The following RPRD1B variants were observed in gnomAD, a reference collection of about 807,000 sequenced individuals.
RPRD1B encodes regulation of nuclear pre-mRNA domain-containing protein 1B.
Under a neutral mutation model 41.5 loss-of-function variants are expected in RPRD1B, and 11 were observed. That is an observed-to-expected ratio of 0.27 (90% CI 0.17 to 0.44). The LOEUF is 0.44. Among genes scored for constraint, RPRD1B ranks in the 20% least tolerant of loss-of-function variants. The pLI is 1.00. For missense variants in RPRD1B, 248 were observed against 389.9 expected, an observed-to-expected ratio of 0.64 and a Z score of 3.06; for synonymous variants, 158 against 155.6, an observed-to-expected ratio of 1.02 and a Z score of -0.12.
chr20:38,078,888 G>A (rs2074488854), intron 6 of RPRD1B, among the ~76,000 whole-genome samples: 1 of 152,128 alleles, frequency 6.6e-6, no homozygotes, highest in Non-Finnish European at 1.5e-5. Context: ...TTTTCTCAAG[G>A]CAGCTTCTAG....
chr20:38,074,739 A>G (rs1014813650), intron 6 of RPRD1B, among the ~76,000 whole-genome samples: 1 of 152,190 alleles, frequency 6.6e-6, no homozygotes. Flanking sequence ...ACTAGTACTC[A>G]GGGTTTTTGT....
chr20:38,071,226 G>A (rs528843782), intron 6 of RPRD1B, among the ~76,000 whole-genome samples: 3 of 152,358 alleles, frequency 2.0e-5, no homozygotes, highest in East Asian at 3.9e-4. Flanking sequence ...TTCATATAAC[G>A]TAAATTAACC....
Position 38,090,661 on chromosome 20 carries a change from C to G in RPRD1B, c.*786C>G. 2 of 985,502 alleles carry G rather than the reference C, an allele frequency of 2.0e-6. No individual in the cohort carries two copies. The highest frequency in any genetic ancestry group is 2.4e-6 in the Non-Finnish European group (2 of 829,952). The allele number at this position is 985,502 out of a possible 1,614,324, so 61.0% of individuals were successfully genotyped here. ...GTTCCGAAAAACAGAATGCCTTGAT[C>G]CCTGGTGGGTGCGAAGGCAGTTGTT... On this transcript the variant is annotated 3_prime_UTR_variant, in exon 7 of 7. Coordinates refer to ENST00000373433, the MANE Select transcript of RPRD1B (RefSeq NM_021215.4).
intron 2 of RPRD1B, among the ~76,000 whole-genome samples, chr20:38,044,319 A>T (rs1260206521): frequency 6.6e-6 from 1 of 151,684 alleles, no homozygotes; most frequent in Admixed American, 6.6e-5. Flanking sequence ...TGGATTGGTC[A>T]TGTAGACACC....
At chr20:38,072,139 T>C (rs1165612940) in intron 6 of RPRD1B, among the ~76,000 whole-genome samples, 1 of 152,248 alleles carries the variant, frequency 6.6e-6, no homozygotes, top group Non-Finnish European at 1.5e-5. Context: ...AGAAGTTTTA[T>C]AATTTTATGT....
intron 6 of RPRD1B, among the ~76,000 whole-genome samples, chr20:38,066,542 A>T (rs998846698): frequency 1.3e-5 from 2 of 150,548 alleles, no homozygotes; most frequent in Admixed American, 6.6e-5. Context: ...TCATGTTTTT[A>T]AAAAAATTAC....
At chr20:38,072,914 G>A (rs2074425775) in intron 6 of RPRD1B, among the ~76,000 whole-genome samples, 1 of 152,164 alleles carries the variant, frequency 6.6e-6, no homozygotes, top group South Asian at 2.1e-4. Context: ...ATAGAGGCCT[G>A]GATATCTAAG....
intron 3 of RPRD1B, chr20:38,049,772 C>G (rs997994362): frequency 4.2e-6 from 2 of 471,166 alleles, no homozygotes; most frequent in Non-Finnish European, 8.8e-6. Context: ...AGCTACAGAT[C>G]TGATCTGCCT....
intron 2 of RPRD1B, among the ~76,000 whole-genome samples, chr20:38,042,817 G>A (rs1488463239): frequency 6.6e-6 from 1 of 151,790 alleles, no homozygotes; most frequent in Non-Finnish European, 1.5e-5. Context: ...AATTGATGAG[G>A]GATATTTTTA....
chr20:38,044,864 A>G (rs947180833), intron 2 of RPRD1B, among the ~76,000 whole-genome samples: 3 of 152,174 alleles, frequency 2.0e-5, no homozygotes, highest in Non-Finnish European at 2.9e-5. Flanking sequence ...TTGGAAGTGT[A>G]GGGAATACTT....
At chr20:38,076,416 C>T (rs2074459888) in intron 6 of RPRD1B, among the ~76,000 whole-genome samples, 1 of 152,230 alleles carries the variant, frequency 6.6e-6, no homozygotes, top group Non-Finnish European at 1.5e-5. Flanking sequence ...AATTTATTTT[C>T]CTGCCCACAT....
chr20:38,063,207 G>T (rs2074318147), intron 5 of RPRD1B, among the ~76,000 whole-genome samples: 1 of 152,034 alleles, frequency 6.6e-6, no homozygotes, highest in African/African-American at 2.4e-5. Flanking sequence ...TATCACCTTA[G>T]CGAAGCTCAC....
At chr20:38,059,607 G>T in intron 5 of RPRD1B, 87 bp downstream of exon 5, 1 of 1,282,326 alleles carries the variant, frequency 7.8e-7, no homozygotes. Context: ...ACGTCTGCAG[G>T]TATAGACTAC....
intron 5 of RPRD1B, among the ~76,000 whole-genome samples, chr20:38,061,073 CCTAA>C (rs1376690601): frequency 5.9e-5 from 9 of 152,174 alleles, no homozygotes; most frequent in East Asian, 5.8e-4. Flanking sequence ...GTTTCACTGA[CCTAA>C]AGGTCTCATG....
chr20:38,049,623 C>T, intron 3 of RPRD1B: 3 of 427,100 alleles, frequency 7.0e-6, no homozygotes, highest in South Asian at 1.8e-5. Flanking sequence ...CCGCCTCAGC[C>T]TCCCAAAGTG....
chr20:38,039,454 G>C (rs1265711429), intron 1 of RPRD1B, among the ~76,000 whole-genome samples: 1 of 151,438 alleles, frequency 6.6e-6, no homozygotes, highest in Non-Finnish European at 1.5e-5. Flanking sequence ...GCCCAGGCTG[G>C]AGTGCAACAG....
At chr20:38,051,810 G>A (rs912637664) in intron 3 of RPRD1B, among the ~76,000 whole-genome samples, 3 of 152,128 alleles carry the variant, frequency 2.0e-5, no homozygotes, top group African/African-American at 7.2e-5. Context: ...GGAGTGCAAT[G>A]GCGGGACCTC....
intron 5 of RPRD1B, among the ~76,000 whole-genome samples, chr20:38,063,122 C>G (rs1424359835): frequency 2.6e-5 from 4 of 152,120 alleles, no homozygotes; most frequent in Non-Finnish European, 5.9e-5. Flanking sequence ...TTTGTACTTG[C>G]TGTCCCCTCT....
At chr20:38,070,960 GA>G (rs1414790576) in intron 6 of RPRD1B, among the ~76,000 whole-genome samples, 3 of 152,140 alleles carry the variant, frequency 2.0e-5, no homozygotes, top group Non-Finnish European at 4.4e-5. Context: ...TCGAACTCCT[GA>G]TCTCAGGTGA....
Sources: gnomAD v4.1 joint callset for allele counts (sites outside exome capture counted in the v4.1 genomes callset) on GRCh38, gnomAD v4.1.1 for gene constraint, MANE v1.5 for transcripts, NCBI Gene and HGNC (gene_info 2026-07-23, HGNC 2026-07-21) for gene names.